KTN1: variants seen among roughly 807,000 people sequenced by gnomAD.
The protein encoded by KTN1 is kinectin 1, also known as kinectin.
Under a neutral mutation model 222.5 loss-of-function variants are expected in KTN1, and 130 were observed. The ratio of observed to expected loss-of-function variants is 0.58; its 90% CI spans 0.51 to 0.68. KTN1 has a LOEUF of 0.68. Among genes scored for constraint, KTN1 ranks in the 30% least tolerant of loss-of-function variants. The pLI, the probability that KTN1 is intolerant of heterozygous loss-of-function variation, is 0.00. For missense variants in KTN1, 1,508 were observed against 1,500.4 expected (o/e 1.01, Z -0.08); for synonymous variants, 512 against 496.3 (o/e 1.03, Z -0.42).
intron 42 of KTN1, 30 bp downstream of exon 42, chr14:55,678,474 G>A (rs371983922): frequency 1.2e-5 from 16 of 1,367,036 alleles, no homozygotes; most frequent in African/African-American, 2.9e-5. Context: ...CCAGATCTCT[G>A]AGCTAGTTAC....
intron 7 of KTN1, among the ~76,000 whole-genome samples, chr14:55,630,409 A>G (rs2040378794): frequency 6.6e-6 from 1 of 152,198 alleles, no homozygotes; most frequent in Non-Finnish European, 1.5e-5. Flanking sequence ...AATCTTTTAA[A>G]TCAATTAGGC....
chr14:55,659,651 T>A lies in KTN1; in HGVS notation c.2962-15T>A. On this transcript the variant is annotated splice_polypyrimidine_tract_variant and intron_variant, in intron 30 of 43. Coordinates refer to ENST00000395314, the MANE Select transcript of KTN1 (RefSeq NM_001079521.2). ...AAAAGTTTTGTTCTGAAATAACATTTAACTCTTTTGATAGGCATCTTCTTT... is the reference window on the plus strand; with the variant it reads ...AAAAGTTTTGTTCTGAAATAACATTAAACTCTTTTGATAGGCATCTTCTTT... 1 of 1,450,624 alleles carries A rather than the reference T, an allele frequency of 6.9e-7. No homozygotes were observed. Among genetic ancestry groups the A allele is most frequent in the Non-Finnish European group, 9.7e-7 (1 of 1,034,130 alleles). The allele number at this position is 1,450,624 out of a possible 1,614,324, so 89.9% of individuals were successfully genotyped here.
At chr14:55,645,027 T>C (rs1176421611) in intron 18 of KTN1, among the ~76,000 whole-genome samples, 1 of 152,158 alleles carries the variant, frequency 6.6e-6, no homozygotes, top group African/African-American at 2.4e-5. Context: ...CCTCCTAATA[T>C]GGAGATAGAT....
At chr14:55,624,822 A>T (rs958439388) in intron 5 of KTN1, among the ~76,000 whole-genome samples, 2 of 152,192 alleles carry the variant, frequency 1.3e-5, no homozygotes, top group Non-Finnish European at 2.9e-5. Context: ...AATGATCAAC[A>T]GTAACATGCT....
At position 55,640,374 on chromosome 14, in the gene KTN1, G is replaced by T; in HGVS notation, c.1915G>T (p.Asp639Tyr). ...TAAATGCTATTTTTCCTTGTTCTAGGATATACAGAATATGAATTTCTTATT... is the reference window on the plus strand; with the variant it reads ...TAAATGCTATTTTTCCTTGTTCTAGTATATACAGAATATGAATTTCTTATT... ...RLTSKEEELK[D>Y]IQNMNFLLKA... Residue 639 changes from aspartate to tyrosine, a missense_variant and splice_region_variant, in exon 15 of 44, where the codon GAT (aspartate) becomes TAT (tyrosine). By Grantham distance (160) the Asp-to-Tyr change is radical. Coordinates refer to ENST00000395314, the MANE Select transcript of KTN1 (RefSeq NM_001079521.2). The T allele has an allele frequency of 1.3e-6, 2 of 1,581,462 alleles. No individual in the cohort carries two copies. The highest frequency in any genetic ancestry group is 1.7e-6 in the Non-Finnish European group (2 of 1,153,540).
chr14:55,636,960 C>G (rs2041201444), intron 10 of KTN1, among the ~76,000 whole-genome samples: 1 of 151,828 alleles, frequency 6.6e-6, no homozygotes, highest in South Asian at 2.1e-4. Context: ...CTCATTTACT[C>G]TTAATTTGAT....
At chr14:55,654,937 G>A (rs1401414149) in intron 28 of KTN1, among the ~76,000 whole-genome samples, 5 of 151,942 alleles carry the variant, frequency 3.3e-5, no homozygotes, top group Non-Finnish European at 7.4e-5. Context: ...CCAGAATATC[G>A]TAGTTGAAAT....
intron 1 of KTN1, among the ~76,000 whole-genome samples, chr14:55,604,752 A>G (rs1022901922): frequency 2.6e-5 from 4 of 152,208 alleles, no homozygotes; most frequent in Non-Finnish European, 4.4e-5. Flanking sequence ...TGTGGAAGAG[A>G]GTTGAAATTA....
At chr14:55,584,920 C>G (rs912571028) in intron 1 of KTN1, among the ~76,000 whole-genome samples, 1 of 151,992 alleles carries the variant, frequency 6.6e-6, no homozygotes, top group Non-Finnish European at 1.5e-5. Flanking sequence ...ATTGCTTGAG[C>G]CCAGCAGTTT....
rs758565547 is a variant in KTN1, at chr14:55,663,961, C to T, written c.3097C>T (p.Arg1033Trp). The T allele has an allele frequency of 1.3e-5, 21 of 1,609,078 alleles. No homozygotes were observed. In the East Asian group the frequency reaches 1.3e-4, roughly 10 times the overall value. ...EHQRKKNNDL[R>W]EKNWEAMEAL... ...TCTTTCTAAAAATGATTAGGACCTT[C>T]GGGAGAAAAACTGGGAAGCAATGGA... Residue 1033 changes from arginine (R) to tryptophan (W), a missense_variant, in exon 33 of 44, where the codon CGG becomes TGG. Transcript: ENST00000395314.
chr14:55,682,764 G>T (rs1595364639), intron 43 of KTN1: 1 of 152,198 alleles, frequency 6.6e-6, no homozygotes, highest in South Asian at 2.1e-4. Flanking sequence ...TACAGGGCTT[G>T]TGTTCTTAAT....
At chr14:55,592,183 C>G (rs543786309) in intron 1 of KTN1, among the ~76,000 whole-genome samples, 24 of 152,060 alleles carry the variant, frequency 1.6e-4, no homozygotes, top group Non-Finnish European at 3.4e-4. Context: ...TCTTCTCTAC[C>G]TCACGGTTAT....
intron 17 of KTN1, 38 bp downstream of exon 17, chr14:55,641,246 C>A: frequency 8.4e-7 from 1 of 1,197,544 alleles, no homozygotes; most frequent in Non-Finnish European, 1.2e-6. Flanking sequence ...TTTCTTAGAA[C>A]AACCTTGTAT....
chr14:55,615,307 C>G (rs2038185615), intron 2 of KTN1, among the ~76,000 whole-genome samples: 1 of 152,136 alleles, frequency 6.6e-6, no homozygotes, highest in African/African-American at 2.4e-5. Context: ...ACTCTTTCAT[C>G]TTTTCCAAAT....
At chr14:55,638,651 G>A (rs2041416727) in intron 12 of KTN1, among the ~76,000 whole-genome samples, 1 of 151,796 alleles carries the variant, frequency 6.6e-6, no homozygotes, top group Non-Finnish European at 1.5e-5. Context: ...AAGGGTGCTG[G>A]TGTGGATGTG....
At chr14:55,659,056 A>AC (rs2043817849) in intron 30 of KTN1, among the ~76,000 whole-genome samples, 6 of 152,120 alleles carry the variant, frequency 3.9e-5, no homozygotes, top group Admixed American at 3.9e-4. Flanking sequence ...TGGTAAATCA[A>AC]AAGTGTGTTT....
intron 18 of KTN1, among the ~76,000 whole-genome samples, chr14:55,645,173 T>A (rs937392771): frequency 6.6e-6 from 1 of 151,968 alleles, no homozygotes; most frequent in Non-Finnish European, 1.5e-5. Context: ...TTTTGAAAAA[T>A]GAGCATGAAT....
chr14:55,647,112 TGTA>T (rs1472343969), intron 19 of KTN1, 105 bp downstream of exon 19: 33 of 742,260 alleles, frequency 4.4e-5, no homozygotes, highest in East Asian at 1.6e-4. Flanking sequence ...ATGGAAGAAA[TGTA>T]GTATGCTGTT....
intron 24 of KTN1, chr14:55,651,417 G>T: frequency 6.6e-6 from 3 of 455,104 alleles, no homozygotes; most frequent in South Asian, 4.7e-5. Flanking sequence ...ATTAAAAAAG[G>T]ACATCATAGA....
Sources: allele counts gnomAD v4.1 joint callset (sites outside exome capture counted in the v4.1 genomes callset), GRCh38; gene constraint gnomAD v4.1.1; transcripts MANE v1.5; gene names NCBI Gene and HGNC (gene_info 2026-07-23, HGNC 2026-07-21).